The following SAMHD1 variants were observed in gnomAD, a reference collection of about 807,000 sequenced individuals.
SAMHD1 encodes SAM and HD domain containing deoxynucleoside triphosphate triphosphohydrolase 1.
In SAMHD1, 54 loss-of-function variants were observed where a neutral mutation model predicts 79.6. The observed-to-expected ratio is 0.68, with a 90% CI of 0.55 to 0.85. The LOEUF is 0.85. Ranked by LOEUF, SAMHD1 falls within the 40% of genes least tolerant of loss-of-function variation. SAMHD1 has a pLI of 0.00. For synonymous variants in SAMHD1, 260 were observed against 264.1 expected (o/e 0.98, Z 0.15); for missense variants, 663 against 782.7 (o/e 0.85, Z 1.82).
intron 5 of SAMHD1, among the ~76,000 whole-genome samples, chr20:36,929,695 AGAGCAAGACTCCATC>A (rs2063556602): frequency 6.6e-6 from 1 of 152,132 alleles, no homozygotes; most frequent in Admixed American, 6.6e-5. Context: ...TCTGTGTGAC[AGAGCAAGACTCCATC>A]TCAAAAATAA....
chr20:36,921,629 G>A (rs561722898), intron 6 of SAMHD1, among the ~76,000 whole-genome samples: 5 of 151,342 alleles, frequency 3.3e-5, no homozygotes, highest in South Asian at 2.1e-4. Flanking sequence ...CTGGGCTCCC[G>A]GGCTCAAGCA....
intron 3 of SAMHD1, among the ~76,000 whole-genome samples, chr20:36,936,481 T>G (rs1053396210): frequency 7.2e-5 from 11 of 151,920 alleles, no homozygotes; most frequent in African/African-American, 2.4e-4. Context: ...CCACCATTCC[T>G]AGCTAATTTA....
chr20:36,944,495 C>A (rs886497683), intron 2 of SAMHD1, among the ~76,000 whole-genome samples: 2 of 152,174 alleles, frequency 1.3e-5, no homozygotes, highest in Non-Finnish European at 2.9e-5. Context: ...TGTTTTGATT[C>A]TTTGGTTACT....
Sources: gnomAD v4.1 joint callset for allele counts (sites outside exome capture counted in the v4.1 genomes callset) on GRCh38, gnomAD v4.1.1 for gene constraint, MANE v1.5 for transcripts, NCBI Gene and HGNC (gene_info 2026-07-23, HGNC 2026-07-21) for gene names.